EPM2AIP1: variants seen among roughly 807,000 people sequenced by gnomAD.
EPM2AIP1 encodes EPM2A interacting protein 1.
EPM2AIP1 carries 23 observed loss-of-function variants against 44.8 expected under a neutral mutation model. That is an observed-to-expected ratio of 0.51 (90% CI 0.37 to 0.73). The LOEUF (loss-of-function observed/expected upper bound fraction) is 0.73, where lower values mean the gene tolerates loss of function less well. Among genes scored for constraint, EPM2AIP1 ranks in the 30% least tolerant of loss-of-function variants. EPM2AIP1 has a pLI of 0.00. For missense variants in EPM2AIP1, 652 were observed against 743.9 expected (o/e 0.88, Z 1.44); for synonymous variants, 311 against 284.3 (o/e 1.09, Z -0.94).
Position 36,990,450 on chromosome 3 carries a change from A to G in EPM2AIP1, c.*804T>C. The G allele has an allele frequency of 1.0e-6, 1 of 985,014 alleles. No homozygotes were observed. The highest frequency in any genetic ancestry group is 1.2e-6 in the Non-Finnish European group (1 of 829,316). 61.0% of individuals were successfully genotyped at this position (985,014 alleles called of 1,614,324 possible). ...CAAACTTGTGTCTACAGTAAAAAAAAAAAAAAAAAGAATTACTAACTGGCA... is the reference window on the plus strand; with the variant it reads ...CAAACTTGTGTCTACAGTAAAAAAAGAAAAAAAAAGAATTACTAACTGGCA... On this transcript the variant is annotated 3_prime_UTR_variant, in exon 1 of 1. Coordinates refer to ENST00000322716, the MANE Select transcript of EPM2AIP1 (RefSeq NM_014805.4).
Position 36,992,709 on chromosome 3 carries a change from C to T in EPM2AIP1, c.369G>A (p.Gln123=). The change falls in exon 1 of 1, where the codon CAG becomes CAA. Residue 123 remains glutamine (Q), a synonymous_variant. Transcript: ENST00000322716. The surrounding 1 kb of genome is among the most constrained non-coding windows in gnomAD (Gnocchi z 5.3). ...RGWGEGDFVY[Q]CMEVLLREVL... ...CCTCTCTCAGCAACACCTCCATGCA[C>T]TGGTATACAAAGTCCCCCTCACCCC... is the stretch of plus-strand genomic sequence containing the variant. The T allele has an allele frequency of 6.2e-7, 1 of 1,614,012 alleles. No individual in the cohort carries two copies. Among genetic ancestry groups the T allele is most frequent in the Non-Finnish European group, 8.5e-7 (1 of 1,179,906 alleles).
chr3:36,991,373 GT>G lies in EPM2AIP1; in HGVS notation c.1704del (p.Gln568HisfsTer4). On this transcript the variant is annotated frameshift_variant, in exon 1 of 1. Coordinates refer to ENST00000322716, the MANE Select transcript of EPM2AIP1 (RefSeq NM_014805.4). LOFTEE classifies it high-confidence loss of function. ...EKAFSYLTRN[Q>X]HTLSQPLTDE... is the part of the protein sequence containing the mutation. ...TCTGTTAATGGCTGACTCAAAGTGTGTTGGTTTCGAGTCAAATATGAAAAAG... is the reference window on the plus strand; with the variant it reads ...TCTGTTAATGGCTGACTCAAAGTGTGTGGTTTCGAGTCAAATATGAAAAAG... 6.2e-7 allele frequency: 1 copy of G among 1,614,002 alleles called. No individual in the cohort carries two copies. The highest frequency in any genetic ancestry group is 8.5e-7 in the Non-Finnish European group (1 of 1,179,882).
rs1482604283 is a variant in EPM2AIP1, at chr3:36,991,775, G to A, written c.1303C>T (p.Pro435Ser). 2 of 1,613,466 alleles carry A rather than the reference G, an allele frequency of 1.2e-6. No individual in the cohort carries two copies. The highest frequency in any genetic ancestry group is 1.7e-6 in the Non-Finnish European group (2 of 1,179,748). The change falls in exon 1 of 1, where the codon CCT becomes TCT. Residue 435 changes from proline to serine, a missense_variant. Coordinates refer to ENST00000322716, the MANE Select transcript of EPM2AIP1 (RefSeq NM_014805.4). ...HIEEKNLTDFPALREVVDELK... is the reference protein window; with the variant it reads ...HIEEKNLTDFSALREVVDELK... ...TCATCAACAACTTCTCTGAGGGCAG[G>A]AAAGTCTGTTAGATTTTTTTCCTCA...
rs768313601 is a variant in EPM2AIP1, at chr3:36,992,809, G to A, written c.269C>T (p.Ser90Phe). ...RLRQGDLPVA[S>F]FTPEERAARA... ...AGCAGCTCTCTCTTCAGGAGTGAAGGAGGCCACGGGCAAGTCGCCCTGACG... is the reference window on the plus strand; with the variant it reads ...AGCAGCTCTCTCTTCAGGAGTGAAGAAGGCCACGGGCAAGTCGCCCTGACG... The change falls in exon 1 of 1, where the codon TCC becomes TTC. Residue 90 changes from serine (S) to phenylalanine (F), a missense_variant. Coordinates refer to ENST00000322716, the MANE Select transcript of EPM2AIP1 (RefSeq NM_014805.4). This position sits in a 1 kb window ranked among gnomAD's most constrained non-coding sequence, Gnocchi z 5.3. 81 of 1,612,670 alleles carry A rather than the reference G, an allele frequency of 5.0e-5. No individual in the cohort carries two copies. The highest frequency in any genetic ancestry group is 6.8e-5 in the Non-Finnish European group (80 of 1,179,848).
rs749339315 is a variant in EPM2AIP1 at position 36,991,617 on chromosome 3, A to T, written c.1461T>A (p.Leu487=). The T allele has an allele frequency of 6.2e-7, 1 of 1,613,548 alleles. No homozygotes were observed. The highest frequency in any genetic ancestry group is 1.7e-5 in the Admixed American group (1 of 60,002). ...GTTTAAAGTTAAATGGATTTGAAAA[A>T]AGTTCTAAGTCCTTTTTAATGAACC... The part of the protein sequence containing the change: ...DLRFIKKDLE[L]FSNPFNFKPE... Residue 487 remains leucine, a synonymous_variant, in exon 1 of 1, where the codon CTT becomes CTA. Transcript: ENST00000322716.
chr3:36,987,094 T>A lies in EPM2AIP1; in HGVS notation c.*4160A>T, dbSNP rs2080773728. 6.6e-6 allele frequency: 1 copy of A among 152,594 alleles called. No individual in the cohort carries two copies. The highest frequency in any genetic ancestry group is 6.6e-5 in the Admixed American group (1 of 15,262). The allele number at this position is 152,594 out of a possible 1,614,324, so 9.5% of individuals were successfully genotyped here. A position where few individuals can be genotyped will look rare whatever the true frequency, so the allele number is the denominator to read the frequency against. On this transcript the variant is annotated 3_prime_UTR_variant, in exon 1 of 1. Transcript: ENST00000322716. ...TTAACTAGATGTCACTTTTGGGTCA[T>A]CTCCCTTTGGGTGATAAGGACATTC...
Position 36,992,735 on chromosome 3 carries a change from A to C in EPM2AIP1, c.343T>G (p.Trp115Gly). ...TGGTATACAAAGTCCCCCTCACCCC[A>C]GCCGCGACCCTTCAAGGCCAAGAGG... ...CRLLALKGRG[W>G]GEGDFVYQCM... is the part of the protein sequence containing the mutation. Residue 115 changes from tryptophan to glycine, a missense_variant, in exon 1 of 1, where the codon TGG becomes GGG. By Grantham distance (184) the Trp-to-Gly change is radical (BLOSUM62 -2). Coordinates refer to ENST00000322716, the MANE Select transcript of EPM2AIP1 (RefSeq NM_014805.4). This position sits in a 1 kb window ranked among gnomAD's most constrained non-coding sequence, Gnocchi z 5.3. 6.2e-7 allele frequency: 1 copy of C among 1,613,846 alleles called. No individual in the cohort carries two copies. Among genetic ancestry groups the C allele is most frequent in the Non-Finnish European group, 8.5e-7 (1 of 1,179,876 alleles).
At position 36,991,619 on chromosome 3, in the gene EPM2AIP1, G is replaced by A; in HGVS notation, c.1459C>T (p.Leu487Phe). ...DLRFIKKDLE[L>F]FSNPFNFKPE... Reference sequence around the variant, plus strand: ...TTAAAGTTAAATGGATTTGAAAAAAGTTCTAAGTCCTTTTTAATGAACCTG... The same window carrying A: ...TTAAAGTTAAATGGATTTGAAAAAAATTCTAAGTCCTTTTTAATGAACCTG... The change falls in exon 1 of 1, where the codon CTT (leucine) becomes TTT (phenylalanine). Residue 487 changes from leucine to phenylalanine, a missense_variant. Physicochemically the swap from Leu to Phe is conservative, Grantham distance 22. Transcript: ENST00000322716. 1 of 1,613,360 alleles carries A rather than the reference G, an allele frequency of 6.2e-7. No individual in the cohort carries two copies. Among genetic ancestry groups the A allele is most frequent in the Non-Finnish European group, 8.5e-7 (1 of 1,179,762 alleles).
chr3:36,993,015 C>T lies in EPM2AIP1; in HGVS notation c.63G>A (p.Glu21=), dbSNP rs897093684. The T allele has an allele frequency of 6.2e-7, 1 of 1,612,588 alleles. No individual in the cohort carries two copies. Among genetic ancestry groups the T allele is most frequent in the Non-Finnish European group, 8.5e-7 (1 of 1,179,492 alleles). The change falls in exon 1 of 1, where the codon GAG becomes GAA. Residue 21 remains glutamate, a synonymous_variant. Coordinates refer to ENST00000322716, the MANE Select transcript of EPM2AIP1 (RefSeq NM_014805.4). ...CCACCACCAAATAACGCTGGGTCCA[C>T]TCGGGCCGGAAAACTAGAGCCTCGT... ...EVDEALVFRP[E]WTQRYLVVEP...
Position 36,992,252 on chromosome 3 carries a change from T to C in EPM2AIP1, c.826A>G (p.Ile276Val). The change falls in exon 1 of 1, where the codon ATT (isoleucine) becomes GTT (valine). Residue 276 changes from isoleucine to valine, a missense_variant. By Grantham distance (29) the Ile-to-Val change is conservative (BLOSUM62 3). Transcript: ENST00000322716. This position sits in a 1 kb window ranked among gnomAD's most constrained non-coding sequence, Gnocchi z 5.3. Reference protein sequence around the residue: ...KAVSPNCWNVIHYSGFLHLEL... With the variant: ...KAVSPNCWNVVHYSGFLHLEL... ...AAGTGAAGAAATCCTGAATAATGAATGACATTCCAACAGTTGGGGCTTACG... is the reference window on the plus strand; with the variant it reads ...AAGTGAAGAAATCCTGAATAATGAACGACATTCCAACAGTTGGGGCTTACG... The C allele has an allele frequency of 6.2e-7, 1 of 1,614,020 alleles. No individual in the cohort carries two copies. Among genetic ancestry groups the C allele is most frequent in the South Asian group, 1.1e-5 (1 of 91,090 alleles).
In EPM2AIP1 at chr3:36,992,519, A is replaced by G. The variant is rs1351654518; in HGVS notation, c.559T>C (p.Tyr187His). The G allele has an allele frequency of 6.2e-7, 1 of 1,613,916 alleles. No homozygotes were observed. The highest frequency in any genetic ancestry group is 1.7e-5 in the Admixed American group (1 of 60,002). ...LALDDQAFVA[Y>H]ENYLLVFIRG... ...ATAAAGACCAGGAGGTAGTTCTCATAGGCCACAAAAGCCTGGTCGTCCAAG... is the reference window on the plus strand; with the variant it reads ...ATAAAGACCAGGAGGTAGTTCTCATGGGCCACAAAAGCCTGGTCGTCCAAG... Residue 187 changes from tyrosine (Y) to histidine (H), a missense_variant, in exon 1 of 1, where the codon TAT becomes CAT. Tyr to His is a moderately conservative substitution (Grantham distance 83). Transcript: ENST00000322716. The surrounding 1 kb of genome is among the most constrained non-coding windows in gnomAD (Gnocchi z 5.3).
chr3:36,992,182 T>G lies in EPM2AIP1; in HGVS notation c.896A>C (p.Asn299Thr). The G allele has an allele frequency of 6.2e-7, 1 of 1,614,014 alleles. No individual in the cohort carries two copies. The highest frequency in any genetic ancestry group is 1.6e-4 in the Middle Eastern group (1 of 6,062). The change falls in exon 1 of 1, where the codon AAT becomes ACT. Residue 299 changes from asparagine to threonine, a missense_variant. Physicochemically the swap from Asn to Thr is moderately conservative, Grantham distance 65. Transcript: ENST00000322716. The surrounding 1 kb of genome is among the most constrained non-coding windows in gnomAD (Gnocchi z 5.3). ...CAAAACTATCCATTCGGATATGGTA[T>G]TTATGATCTGATTAACATCTACATC... ...SYDVDVNQII[N>T]TISEWIVLIK...
rs1488119072 is a variant in EPM2AIP1, at chr3:36,992,824, T to G, written c.254A>C (p.Asp85Ala). The part of the protein sequence containing the change: ...AALVERLRQG[D>A]LPVASFTPEE... ...AGGAGTGAAGGAGGCCACGGGCAAG[T>G]CGCCCTGACGCAGACGCTCCACCAG... Residue 85 changes from aspartate (D) to alanine (A), a missense_variant, in exon 1 of 1, where the codon GAC (aspartate) becomes GCC (alanine). Physicochemically the swap from Asp to Ala is moderately radical, Grantham distance 126. Transcript: ENST00000322716. The surrounding 1 kb of genome is among the most constrained non-coding windows in gnomAD (Gnocchi z 5.3). 6.2e-7 allele frequency: 1 copy of G among 1,612,090 alleles called. No homozygotes were observed. Among genetic ancestry groups the G allele is most frequent in the Non-Finnish European group, 8.5e-7 (1 of 1,179,758 alleles).
In EPM2AIP1 at chr3:36,986,164, A is replaced by G. The variant is rs1318819053; in HGVS notation, c.*5090T>C. 3 of 152,218 alleles carry G rather than the reference A, an allele frequency of 2.0e-5. No individual in the cohort carries two copies. The South Asian group carries it at 6.2e-4, about 32-fold the overall frequency. 9.4% of individuals were successfully genotyped at this position (152,218 alleles called of 1,614,324 possible). A position where few individuals can be genotyped will look rare whatever the true frequency, so the allele number is the denominator to read the frequency against. On this transcript the variant is annotated 3_prime_UTR_variant, in exon 1 of 1. Transcript: ENST00000322716. The stretch of plus-strand genomic sequence containing the variant: ...GAAGATGGAAGAAATAACTTACACA[A>G]GGGTAATTTATATTATGGAAAGGTG...
chr3:36,992,307 T>C lies in EPM2AIP1; in HGVS notation c.771A>G (p.Ser257=), dbSNP rs754549421. The change falls in exon 1 of 1, where the codon TCA becomes TCG. Residue 257 remains serine (S), a synonymous_variant. Coordinates refer to ENST00000322716, the MANE Select transcript of EPM2AIP1 (RefSeq NM_014805.4). The surrounding 1 kb of genome is among the most constrained non-coding windows in gnomAD (Gnocchi z 5.3). ...TTTCTCTCATGTATGAGACGAGTCC[T>C]GAGTTCTCACCAATCATCCTCAAAG... The part of the protein sequence containing the change: ...THTLRMIGEN[S]GLVSYMREKA... 6.2e-7 allele frequency: 1 copy of C among 1,614,016 alleles called. No homozygotes were observed. The highest frequency in any genetic ancestry group is 1.6e-4 in the Middle Eastern group (1 of 6,062).
chr3:36,991,028 G>A lies in EPM2AIP1; in HGVS notation c.*226C>T. The A allele has an allele frequency of 8.1e-7, 1 of 1,229,806 alleles. No individual in the cohort carries two copies. Among genetic ancestry groups the A allele is most frequent in the Admixed American group, 3.8e-5 (1 of 26,042 alleles). 76.2% of individuals were successfully genotyped at this position (1,229,806 alleles called of 1,614,324 possible). A position where few individuals can be genotyped will look rare whatever the true frequency, so the allele number is the denominator to read the frequency against. On this transcript the variant is annotated 3_prime_UTR_variant, in exon 1 of 1. Coordinates refer to ENST00000322716, the MANE Select transcript of EPM2AIP1 (RefSeq NM_014805.4). ...CTATATCATAAAAGACAATGACTTT[G>A]TCACTAAACTAAGTTTTAAAAAAGG... is the stretch of plus-strand genomic sequence containing the variant.
chr3:36,985,931 T>A lies in EPM2AIP1; in HGVS notation c.*5323A>T, dbSNP rs533244528. ...GACAGATTTTGCCCATGGACCATAG[T>A]TTGATCATGGCCAACCTATGATCTA... On this transcript the variant is annotated 3_prime_UTR_variant, in exon 1 of 1. Coordinates refer to ENST00000322716, the MANE Select transcript of EPM2AIP1 (RefSeq NM_014805.4). 3 of 152,356 alleles carry A rather than the reference T, an allele frequency of 2.0e-5. No individual in the cohort carries two copies. In the East Asian group the frequency reaches 5.8e-4, roughly 29 times the overall value. The allele number at this position is 152,356 out of a possible 1,614,324, so 9.4% of individuals were successfully genotyped here. A position where few individuals can be genotyped will look rare whatever the true frequency, so the allele number is the denominator to read the frequency against.
chr3:36,990,199 A>G lies in EPM2AIP1; in HGVS notation c.*1055T>C, dbSNP rs894188475. 1 of 154,298 alleles carries G rather than the reference A, an allele frequency of 6.5e-6. No homozygotes were observed. The highest frequency in any genetic ancestry group is 6.5e-5 in the Admixed American group (1 of 15,274). The allele number at this position is 154,298 out of a possible 1,614,324, so 9.6% of individuals were successfully genotyped here. On this transcript the variant is annotated 3_prime_UTR_variant, in exon 1 of 1. Transcript: ENST00000322716. Reference sequence around the variant, plus strand: ...TTTTAAATATTTCTACTTGTGTGCTATCTTACATATAGAATGTGTACGACA... The same window carrying G: ...TTTTAAATATTTCTACTTGTGTGCTGTCTTACATATAGAATGTGTACGACA...
chr3:36,988,210 T>C lies in EPM2AIP1; in HGVS notation c.*3044A>G, dbSNP rs1471051614. On this transcript the variant is annotated 3_prime_UTR_variant, in exon 1 of 1. Transcript: ENST00000322716. ...TAAGTCTTTTGGAGCAATTTGGTTG[T>C]AGTGTAGAAAGGAATAAAAATAAAA... is the stretch of plus-strand genomic sequence containing the variant. 6.6e-6 allele frequency: 1 copy of C among 152,188 alleles called. No homozygotes were observed. The highest frequency in any genetic ancestry group is 1.5e-5 in the Non-Finnish European group (1 of 68,030). The allele number at this position is 152,188 out of a possible 1,614,324, so 9.4% of individuals were successfully genotyped here.
Sources: gnomAD v4.1 joint callset for allele counts on GRCh38, gnomAD v4.1.1 for gene constraint, Gnocchi (gnomAD v3.1) non-coding constraint, MANE v1.5 for transcripts, NCBI Gene and HGNC (gene_info 2026-07-23, HGNC 2026-07-21) for gene names.